The following FZD3 variants were observed in gnomAD, a reference collection of about 807,000 sequenced individuals.
FZD3 encodes frizzled-3.
A neutral mutation model predicts 60.7 loss-of-function variants in FZD3; 30 were observed. The observed-to-expected ratio is 0.49, with a 90% CI of 0.37 to 0.67. The LOEUF (loss-of-function observed/expected upper bound fraction) is 0.67. Among genes scored for constraint, FZD3 ranks in the 30% least tolerant of loss-of-function variants. The probability of loss-of-function intolerance (pLI) is 0.00; values close to 1 mark genes in which losing one functional copy is unlikely to be tolerated. For missense variants in FZD3, 605 were observed against 838.7 expected, an observed-to-expected ratio of 0.72 and a Z score of 3.44; for synonymous variants, 246 against 275.2, an observed-to-expected ratio of 0.89 and a Z score of 1.05.
At chr8:28,534,906 G>T (rs1286658319) in intron 5 of FZD3, among the ~76,000 whole-genome samples, 1 of 152,094 alleles carries the variant, frequency 6.6e-6, no homozygotes, top group African/African-American at 2.4e-5. Flanking sequence ...CACTTAGTAG[G>T]CGCTGATGAT....
intron 5 of FZD3, among the ~76,000 whole-genome samples, chr8:28,536,372 C>G (rs1176873708): frequency 6.6e-6 from 1 of 152,202 alleles, no homozygotes; most frequent in Admixed American, 6.5e-5. Flanking sequence ...TTAGCCAAGA[C>G]TGTCAAATTC....
chr8:28,513,992 C>G (rs1419540736), intron 3 of FZD3, among the ~76,000 whole-genome samples: 2 of 152,152 alleles, frequency 1.3e-5, no homozygotes, highest in African/African-American at 2.4e-5. Context: ...AATGGTAGCA[C>G]AAAGGCTTGG....
At chr8:28,546,177 G>T (rs1412176070) in intron 5 of FZD3, among the ~76,000 whole-genome samples, 1 of 152,184 alleles carries the variant, frequency 6.6e-6, no homozygotes, top group East Asian at 1.9e-4. Context: ...TATCCCTGTT[G>T]TCAAGTGACA....
intron 5 of FZD3, among the ~76,000 whole-genome samples, chr8:28,547,669 C>T (rs992590211): frequency 6.6e-6 from 1 of 152,068 alleles, no homozygotes; most frequent in East Asian, 1.9e-4. Flanking sequence ...TGATATATTT[C>T]GCCTATTTTT....
At chr8:28,516,347 G>C (rs146047444) in intron 3 of FZD3, among the ~76,000 whole-genome samples, 1 of 152,222 alleles carries the variant, frequency 6.6e-6, no homozygotes, top group African/African-American at 2.4e-5. Flanking sequence ...ACTCCAATTG[G>C]TTCTTTTTCA....
intron 5 of FZD3, among the ~76,000 whole-genome samples, chr8:28,538,905 C>G (rs906338153): frequency 2.0e-5 from 3 of 150,986 alleles, no homozygotes; most frequent in Non-Finnish European, 4.4e-5. Context: ...GCTGGAGAAG[C>G]AACTGTGAAT....
At chr8:28,507,162 A>T (rs1014879380) in intron 3 of FZD3, among the ~76,000 whole-genome samples, 4 of 152,078 alleles carry the variant, frequency 2.6e-5, no homozygotes, top group African/African-American at 9.7e-5. Context: ...ATTTTTTTTC[A>T]TACTGGCTTT....
intron 5 of FZD3, among the ~76,000 whole-genome samples, chr8:28,547,231 A>T (rs1378067050): frequency 6.6e-6 from 1 of 152,160 alleles, no homozygotes; most frequent in Non-Finnish European, 1.5e-5. Context: ...TTGTCATTTA[A>T]TGATATATTT....
intron 5 of FZD3, among the ~76,000 whole-genome samples, chr8:28,529,185 C>T (rs908915035): frequency 2.0e-5 from 3 of 152,120 alleles, no homozygotes; most frequent in Non-Finnish European, 2.9e-5. Context: ...TCCCCAGATG[C>T]TGGTATTAAC....
intron 4 of FZD3, among the ~76,000 whole-genome samples, chr8:28,523,050 G>A (rs574557495): frequency 5.3e-5 from 8 of 152,184 alleles, no homozygotes; most frequent in South Asian, 4.1e-4. Context: ...GATTACAGGC[G>A]TGAGCCACCG....
At position 28,539,002 on chromosome 8, in the gene FZD3, T is replaced by C. The variant is rs376339865; in HGVS notation, c.1404+10838T>C. Reference sequence around the variant, plus strand: ...ATGGTTCTGTGACTAAAGAACAGTTTTTAGTTCTTACTCTCTCGTCTCTTA... The same window carrying C: ...ATGGTTCTGTGACTAAAGAACAGTTCTTAGTTCTTACTCTCTCGTCTCTTA... On this transcript the variant is annotated intron_variant, in intron 5 of 7. Coordinates refer to ENST00000240093, the MANE Select transcript of FZD3 (RefSeq NM_017412.4). Among the ~76,000 whole-genome samples, 15 of 152,176 alleles carry C rather than the reference T, an allele frequency of 9.9e-5. 1 individual carries two copies. In the East Asian group the frequency reaches 1.9e-3, roughly 20 times the overall value.
At position 28,539,852 on chromosome 8, in the gene FZD3, A is replaced by AT. The variant is rs990832485; in HGVS notation, c.1404+11690dup. On this transcript the variant is annotated intron_variant, in intron 5 of 7. Coordinates refer to ENST00000240093, the MANE Select transcript of FZD3 (RefSeq NM_017412.4). Reference sequence around the variant, plus strand: ...GTATTGAATTTAGGCCATCACAATAATTAAAAAAAAATACCTCAAGTGTTC... The same window carrying AT: ...GTATTGAATTTAGGCCATCACAATAATTTAAAAAAAAATACCTCAAGTGTTC... Among the ~76,000 whole-genome samples the AT allele has an allele frequency of 2.6e-4, 8 of 30,992 alleles. No individual in the cohort carries two copies. In the East Asian group the frequency reaches 0.047, roughly 182 times the overall value. The allele number at this position is 30,992 out of a possible 152,430, so 20.3% of individuals were successfully genotyped here.
intron 1 of FZD3, among the ~76,000 whole-genome samples, chr8:28,496,742 A>G (rs1182629360): frequency 6.6e-6 from 1 of 152,206 alleles, no homozygotes; most frequent in Non-Finnish European, 1.5e-5. Context: ...CATGTTGGGA[A>G]CTATTGACAG....
chr8:28,552,331 T>C (rs1251176988), intron 6 of FZD3, among the ~76,000 whole-genome samples: 1 of 152,182 alleles, frequency 6.6e-6, no homozygotes, highest in Non-Finnish European at 1.5e-5. Flanking sequence ...TTAATTGAAA[T>C]GTGTTAGAGG....
intron 5 of FZD3, among the ~76,000 whole-genome samples, chr8:28,546,285 G>A (rs1805290834): frequency 1.3e-5 from 2 of 152,196 alleles, no homozygotes; most frequent in Non-Finnish European, 2.9e-5. Flanking sequence ...CCCATAAGAT[G>A]CAGTTCCACC....
chr8:28,558,774 A>G (rs764334262), intron 7 of FZD3, among the ~76,000 whole-genome samples: 25 of 152,164 alleles, frequency 1.6e-4, no homozygotes, highest in Non-Finnish European at 2.8e-4. Flanking sequence ...TATTTATAGT[A>G]TAATACCTAT....
At chr8:28,534,101 G>A (rs1372880898) in intron 5 of FZD3, among the ~76,000 whole-genome samples, 1 of 152,216 alleles carries the variant, frequency 6.6e-6, no homozygotes, top group Non-Finnish European at 1.5e-5. Context: ...GCAGAAAGAA[G>A]TAATGTGTCT....
At chr8:28,496,153 C>T (rs1803837820) in intron 1 of FZD3, among the ~76,000 whole-genome samples, 1 of 152,206 alleles carries the variant, frequency 6.6e-6, no homozygotes, top group African/African-American at 2.4e-5. Context: ...GCAAAGTGCA[C>T]ATTCTTTCTT....
intron 5 of FZD3, among the ~76,000 whole-genome samples, chr8:28,531,556 T>G (rs533928738): frequency 6.6e-6 from 1 of 152,216 alleles, no homozygotes; most frequent in African/African-American, 2.4e-5. Flanking sequence ...TAAGTCGTTA[T>G]TTTAATTTAT....
Sources: gnomAD v4.1 joint callset for allele counts (sites outside exome capture counted in the v4.1 genomes callset) on GRCh38, gnomAD v4.1.1 for gene constraint, MANE v1.5 for transcripts, NCBI Gene and HGNC (gene_info 2026-07-23, HGNC 2026-07-21) for gene names.